CCDC7: variants seen among roughly 807,000 people sequenced by gnomAD.
CCDC7 encodes the protein coiled-coil domain containing 7, also known as coiled-coil domain-containing protein 7.
CCDC7 carries 183 observed loss-of-function variants against 196.9 expected under a neutral mutation model. The observed-to-expected ratio is 0.93, with a 90% confidence interval of 0.82 to 1.05. The LOEUF is 1.05. CCDC7 is among the 50% of genes least tolerant of loss of function. The pLI is 0.00. For missense variants in CCDC7, 1,540 were observed against 1,482.2 expected, an observed-to-expected ratio of 1.04 and a Z score of -0.64; for synonymous variants, 525 against 484.6, an observed-to-expected ratio of 1.08 and a Z score of -1.10.
intron 20 of CCDC7, among the ~76,000 whole-genome samples, chr10:32,661,174 CA>C (rs2071331602): frequency 6.6e-6 from 1 of 151,522 alleles, no homozygotes; most frequent in African/African-American, 2.4e-5. Flanking sequence ...CATGAACAGA[CA>C]CTTCTCAAAA....
At chr10:32,814,553 T>A in intron 31 of CCDC7, 100 bp downstream of exon 32, 16 of 768,740 alleles carry the variant, frequency 2.1e-5, no homozygotes, top group Non-Finnish European at 3.5e-5. Context: ...GCCTATGAAT[T>A]ATTACATAGG....
At chr10:32,528,480 A>G (rs2049015600) in intron 11 of CCDC7, among the ~76,000 whole-genome samples, 1 of 149,736 alleles carries the variant, frequency 6.7e-6, no homozygotes, top group Admixed American at 6.7e-5. Context: ...CTTAGGTCCC[A>G]CTTATGAGTG....
chr10:32,735,741 C>G (rs532770592), intron 28 of CCDC7, among the ~76,000 whole-genome samples: 2 of 152,044 alleles, frequency 1.3e-5, no homozygotes, highest in Non-Finnish European at 2.9e-5. Flanking sequence ...AATGCCATCA[C>G]CAAATTTAAG....
chr10:32,693,893 C>T (rs1374490697), intron 23 of CCDC7, among the ~76,000 whole-genome samples: 1 of 152,162 alleles, frequency 6.6e-6, no homozygotes, highest in African/African-American at 2.4e-5. Context: ...GTGCTCTGAG[C>T]TGCTAGGATA....
intron 24 of CCDC7, among the ~76,000 whole-genome samples, chr10:32,710,588 G>C (rs117917869): frequency 0.036 from 5,558 of 152,304 alleles, 110 homozygotes; most frequent in Non-Finnish European, 0.05. Flanking sequence ...CATTCTCTGA[G>C]AGTGCCCCAT....
intron 12 of CCDC7, 138 bp downstream of exon 13, chr10:32,543,523 A>G (rs2051870697): frequency 2.5e-5 from 23 of 935,354 alleles, no homozygotes; most frequent in Non-Finnish European, 3.3e-5. Flanking sequence ...ACATGTTTTT[A>G]TAAGCATACC....
chr10:32,641,947 G>T (rs2066881856), intron 20 of CCDC7, among the ~76,000 whole-genome samples: 1 of 152,176 alleles, frequency 6.6e-6, no homozygotes, highest in Non-Finnish European at 1.5e-5. Context: ...GGTATCAGCA[G>T]CAGAGGCTGC....
chr10:32,584,247 G>C (rs865916371), exon 18 of CCDC7: 1 of 1,586,130 alleles, frequency 6.3e-7, no homozygotes, highest in Admixed American at 1.7e-5. Flanking sequence ...TGTTTCAGAA[G>C]AACAATTACA....
At chr10:32,749,092 G>C (rs2075273419) in intron 28 of CCDC7, among the ~76,000 whole-genome samples, 1 of 152,144 alleles carries the variant, frequency 6.6e-6, no homozygotes, top group Admixed American at 6.6e-5. Context: ...GGTTAAAAAG[G>C]TTTCTGCTTC....
At chr10:32,596,631 G>A (rs1299040562) in intron 18 of CCDC7, among the ~76,000 whole-genome samples, 2 of 152,146 alleles carry the variant, frequency 1.3e-5, no homozygotes, top group Non-Finnish European at 2.9e-5. Context: ...TAGCCTCGAC[G>A]ATCTTTACAA....
At chr10:32,566,197 G>A (rs936593869) in intron 14 of CCDC7, among the ~76,000 whole-genome samples, 1 of 152,110 alleles carries the variant, frequency 6.6e-6, no homozygotes, top group Non-Finnish European at 1.5e-5. Context: ...AACCTTTCAC[G>A]TACTTCTATT....
At chr10:32,589,980 A>G (rs1204387712) in intron 18 of CCDC7, among the ~76,000 whole-genome samples, 1 of 152,070 alleles carries the variant, frequency 6.6e-6, no homozygotes, top group Non-Finnish European at 1.5e-5. Context: ...TACTCAACCA[A>G]TCATTGGATA....
At chr10:32,767,427 C>G (rs1422167767) in intron 28 of CCDC7, among the ~76,000 whole-genome samples, 1 of 152,050 alleles carries the variant, frequency 6.6e-6, no homozygotes, top group East Asian at 1.9e-4. Flanking sequence ...ATTGTATTTT[C>G]TGCTTTGGCT....
intron 22 of CCDC7, among the ~76,000 whole-genome samples, chr10:32,688,037 T>A (rs1014689219): frequency 1.3e-5 from 2 of 152,160 alleles, no homozygotes; most frequent in Non-Finnish European, 2.9e-5. Flanking sequence ...TGATAGCCTA[T>A]AGAGAAAGGA....
At chr10:32,728,992 A>C in exon 27 of CCDC7, 2 of 1,568,438 alleles carry the variant, frequency 1.3e-6, no homozygotes, top group Non-Finnish European at 8.8e-7. Context: ...GTGGAAAGAC[A>C]CAAGAGTGAG....
At chr10:32,695,222 CA>C (rs1383950209) in intron 24 of CCDC7, among the ~76,000 whole-genome samples, 4 of 152,054 alleles carry the variant, frequency 2.6e-5, no homozygotes, top group Non-Finnish European at 4.4e-5. Flanking sequence ...CCACCAAATC[CA>C]ATAAAAATCA....
chr10:32,700,841 A>G (rs1362666730), intron 24 of CCDC7, among the ~76,000 whole-genome samples: 1 of 152,076 alleles, frequency 6.6e-6, no homozygotes, highest in Non-Finnish European at 1.5e-5. Flanking sequence ...TTCACTCACG[A>G]TTTGGCTCTC....
chr10:32,881,133 A>G (rs1016946138), downstream of CCDC7, among the ~76,000 whole-genome samples: 2 of 152,120 alleles, frequency 1.3e-5, no homozygotes, highest in Non-Finnish European at 2.9e-5. Flanking sequence ...TTCTCCCTTC[A>G]TAAGTTGGTG....
At chr10:32,544,742 A>G (rs374665352) in intron 13 of CCDC7, among the ~76,000 whole-genome samples, 38 of 152,180 alleles carry the variant, frequency 2.5e-4, no homozygotes, top group African/African-American at 8.9e-4. Flanking sequence ...AGGTGTAAAC[A>G]TTTTAAGATG....
Sources: gnomAD v4.1 joint callset for allele counts (sites outside exome capture counted in the v4.1 genomes callset) on GRCh38, gnomAD v4.1.1 for gene constraint, MANE v1.5 for transcripts, NCBI Gene and HGNC (gene_info 2026-07-23, HGNC 2026-07-21) for gene names.